Variants in TAS2R1 observed in about 807,000 individuals in gnomAD.
TAS2R1 encodes the protein taste receptor type 2 member 1.
For synonymous variants in TAS2R1, 141 were observed against 134.2 expected (o/e 1.05, Z -0.35); for missense variants, 370 against 353.4 (o/e 1.05, Z -0.38).
the TAS2R1 span, chr5:9,870,075 A>G: frequency 6.6e-6 from 1 of 152,346 alleles, no homozygotes; most frequent in Non-Finnish European, 1.5e-5. Flanking sequence ...AAGCCTTTTT[A>G]TAACAGAGCT....
the TAS2R1 span, among the ~76,000 whole-genome samples, chr5:9,836,213 G>A: frequency 0.06 from 9,103 of 151,978 alleles, 652 homozygotes; most frequent in East Asian, 0.23. Flanking sequence ...ATGTGGAACT[G>A]TAAGTCCAAT....
At chr5:9,769,293 A>G in the TAS2R1 span, among the ~76,000 whole-genome samples, 4 of 152,126 alleles carry the variant, frequency 2.6e-5, no homozygotes, top group Admixed American at 2.6e-4. Flanking sequence ...GCACATATGT[A>G]CCATGTTTTC....
At chr5:9,887,005 A>G in the TAS2R1 span, among the ~76,000 whole-genome samples, 1 of 152,196 alleles carries the variant, frequency 6.6e-6, no homozygotes, top group East Asian at 1.9e-4. Flanking sequence ...TTTTGGTACA[A>G]CATATACCCA....
chr5:9,726,361 A>G, the TAS2R1 span, among the ~76,000 whole-genome samples: 1 of 152,206 alleles, frequency 6.6e-6, no homozygotes, highest in Non-Finnish European at 1.5e-5. Context: ...GTCAAAACAG[A>G]CCACTGGGCT....
chr5:9,666,331 G>C (rs925300488), intron 1 of TAS2R1, among the ~76,000 whole-genome samples: 3 of 152,100 alleles, frequency 2.0e-5, no homozygotes, highest in Non-Finnish European at 2.9e-5. Context: ...AATAGATGCT[G>C]GGTCTGATGT....
At chr5:9,841,649 A>T in the TAS2R1 span, among the ~76,000 whole-genome samples, 10 of 152,048 alleles carry the variant, frequency 6.6e-5, no homozygotes, top group Non-Finnish European at 1.3e-4. Flanking sequence ...TCTCTCTGGG[A>T]TCCTTAGCAT....
At chr5:9,812,512 C>A in the TAS2R1 span, among the ~76,000 whole-genome samples, 1 of 151,708 alleles carries the variant, frequency 6.6e-6, no homozygotes, top group African/African-American at 2.4e-5. Flanking sequence ...AAAACTATGG[C>A]CAAAGTCACA....
chr5:9,751,245 T>C, the TAS2R1 span, among the ~76,000 whole-genome samples: 1 of 151,944 alleles, frequency 6.6e-6, no homozygotes, highest in Non-Finnish European at 1.5e-5. Context: ...ACAGGTTTCA[T>C]AAGACCTACA....
intron 1 of TAS2R1, among the ~76,000 whole-genome samples, chr5:9,706,671 G>A (rs1278303000): frequency 6.6e-6 from 1 of 152,192 alleles, no homozygotes; most frequent in Non-Finnish European, 1.5e-5. Flanking sequence ...TAGATGAGAG[G>A]GTAGGAGGGA....
chr5:9,669,293 A>G (rs1250169655), intron 1 of TAS2R1, among the ~76,000 whole-genome samples: 1 of 152,202 alleles, frequency 6.6e-6, no homozygotes, highest in Non-Finnish European at 1.5e-5. Context: ...AGAGACTTTG[A>G]TAACCATACG....
At chr5:9,830,855 G>A in the TAS2R1 span, among the ~76,000 whole-genome samples, 1 of 152,134 alleles carries the variant, frequency 6.6e-6, no homozygotes, top group Non-Finnish European at 1.5e-5. Context: ...CTTTTTAAGA[G>A]GTGAACATAG....
At chr5:9,722,268 C>A in the TAS2R1 span, among the ~76,000 whole-genome samples, 1 of 152,220 alleles carries the variant, frequency 6.6e-6, no homozygotes, top group Admixed American at 6.5e-5. Context: ...AGACTCAGAG[C>A]TTCTGCACCC....
Position 9,659,170 on chromosome 5 carries a change from T to C in TAS2R1, c.-81+251A>G, listed in dbSNP as rs141668604. Among the ~76,000 whole-genome samples the C allele has an allele frequency of 9.2e-5, 14 of 152,288 alleles. No homozygotes were observed. In the East Asian group the frequency reaches 2.7e-3, roughly 29 times the overall value. On this transcript the variant is annotated intron_variant, in intron 2 of 2. Transcript: ENST00000506620. ...TGAGAAAATGGGTAAAACCAGTTGG[T>C]GGACTCTCAAAGTGGACAATTGCAC... is the stretch of plus-strand genomic sequence containing the variant.
At chr5:9,896,444 C>T in the TAS2R1 span, among the ~76,000 whole-genome samples, 30,168 of 152,028 alleles carry the variant, frequency 0.2, 3,447 homozygotes, top group Middle Eastern at 0.33. Context: ...GTTTAGAAAA[C>T]GTATCCATCA....
the TAS2R1 span, among the ~76,000 whole-genome samples, chr5:9,902,143 T>C: frequency 6.6e-6 from 1 of 152,066 alleles, no homozygotes; most frequent in South Asian, 2.1e-4. Flanking sequence ...TTAAACATAG[T>C]GTGTCATTGA....
chr5:9,878,243 T>G, the TAS2R1 span, among the ~76,000 whole-genome samples: 3 of 152,218 alleles, frequency 2.0e-5, no homozygotes, highest in African/African-American at 7.2e-5. Context: ...GTTTTGTTGT[T>G]GAAGTACCAA....
the TAS2R1 span, among the ~76,000 whole-genome samples, chr5:9,745,442 C>T: frequency 1.3e-5 from 2 of 151,514 alleles, no homozygotes; most frequent in African/African-American, 4.9e-5. Flanking sequence ...ATGAAAACAC[C>T]CAGGGTAGCA....
chr5:9,762,865 A>T, the TAS2R1 span, among the ~76,000 whole-genome samples: 3 of 152,332 alleles, frequency 2.0e-5, no homozygotes, highest in African/African-American at 7.2e-5. Context: ...ATTTGCCTAA[A>T]TTGGAAACAG....
the TAS2R1 span, among the ~76,000 whole-genome samples, chr5:9,794,844 C>T: frequency 3.4e-4 from 52 of 152,264 alleles, 1 homozygote; most frequent in African/African-American, 1.1e-3. Flanking sequence ...TGTGGAGATA[C>T]AGCCTTTCTT....
Sources: allele counts gnomAD v4.1 joint callset (sites outside exome capture counted in the v4.1 genomes callset), GRCh38; gene constraint gnomAD v4.1.1; transcripts MANE v1.5; gene names NCBI Gene and HGNC (gene_info 2026-07-23, HGNC 2026-07-21).